Variants in PLD5 observed in about 807,000 individuals in gnomAD.
The protein encoded by PLD5 is inactive phospholipase D5.
Under a neutral mutation model 61.1 loss-of-function variants are expected in PLD5, and 36 were observed. The ratio of observed to expected loss-of-function variants is 0.59; its 90% CI spans 0.45 to 0.78. The LOEUF (loss-of-function observed/expected upper bound fraction) is 0.78, where lower values mean the gene tolerates loss of function less well. PLD5 is among the 30% of genes least tolerant of loss of function. The pLI is 0.00. For missense variants in PLD5, 515 were observed against 644.4 expected (o/e 0.80, Z 2.17); for synonymous variants, 243 against 242.8 (o/e 1.00, Z -0.01).
At chr1:242,408,767 T>A (rs1409149177) in intron 1 of PLD5, among the ~76,000 whole-genome samples, 1 of 152,126 alleles carries the variant, frequency 6.6e-6, no homozygotes, top group African/African-American at 2.4e-5. Flanking sequence ...CACCAGTGCT[T>A]TGAAAATTTT....
intron 2 of PLD5, among the ~76,000 whole-genome samples, chr1:242,342,902 C>T (rs1309968128): frequency 6.6e-6 from 1 of 151,914 alleles, no homozygotes; most frequent in East Asian, 1.9e-4. Context: ...ACTATCAGTA[C>T]AGTAATCTAG....
At chr1:242,438,947 T>C (rs1194316068) in intron 1 of PLD5, among the ~76,000 whole-genome samples, 2 of 134,358 alleles carry the variant, frequency 1.5e-5, no homozygotes, top group Non-Finnish European at 3.4e-5. Flanking sequence ...CCCAGCTTGT[T>C]ACTCTTATCA....
At chr1:242,376,838 A>G (rs962133979) in intron 1 of PLD5, 1 of 1,396,270 alleles carries the variant, frequency 7.2e-7, no homozygotes, top group East Asian at 2.5e-5. Context: ...TGTTAATTCT[A>G]TTATCCCACT....
intron 2 of PLD5, among the ~76,000 whole-genome samples, chr1:242,330,994 CCTT>C (rs1230242719): frequency 6.6e-6 from 1 of 152,162 alleles, no homozygotes; most frequent in Non-Finnish European, 1.5e-5. Context: ...CAAACCACTT[CCTT>C]CTTCTTTTTC....
intron 1 of PLD5, among the ~76,000 whole-genome samples, chr1:242,452,642 T>C (rs1666822921): frequency 6.6e-6 from 1 of 151,930 alleles, no homozygotes; most frequent in Non-Finnish European, 1.5e-5. Flanking sequence ...ACGGTGAAAC[T>C]CCATCTCTAC....
chr1:242,167,037 G>C (rs974043858), intron 5 of PLD5, among the ~76,000 whole-genome samples: 28 of 148,980 alleles, frequency 1.9e-4, no homozygotes, highest in African/African-American at 5.7e-4. Context: ...ATAGTCACTT[G>C]CTTTCTGGTA....
intron 6 of PLD5, among the ~76,000 whole-genome samples, chr1:242,119,140 G>A (rs901795176): frequency 4.6e-5 from 7 of 152,052 alleles, no homozygotes; most frequent in Non-Finnish European, 8.8e-5. Context: ...GTTAATCTGG[G>A]TTTGTCTCTT....
rs533594315 is a variant in PLD5, at chr1:242,393,931, G to A, written c.190-45689C>T. Among the ~76,000 whole-genome samples, 9 of 143,430 alleles carry A rather than the reference G, an allele frequency of 6.3e-5. No homozygotes were observed. In the South Asian group the frequency reaches 1.1e-3, roughly 18 times the overall value. The allele number at this position is 143,430 out of a possible 152,430, so 94.1% of individuals were successfully genotyped here. A position where few individuals can be genotyped will look rare whatever the true frequency, so the allele number is the denominator to read the frequency against. On this transcript the variant is annotated intron_variant, in intron 1 of 9. Transcript: ENST00000536534. Reference sequence around the variant, plus strand: ...AAAAATTAGCTGGGTGTGGGGGTGCGTGCCTGTAATCCCAGCTACTCAGGA... The same window carrying A: ...AAAAATTAGCTGGGTGTGGGGGTGCATGCCTGTAATCCCAGCTACTCAGGA...
rs140020256 is a variant in PLD5, at chr1:242,145,717, G to T, written c.736-21052C>A. On this transcript the variant is annotated intron_variant, in intron 5 of 9. Transcript: ENST00000536534. ...CTTTTCTGTCTCGCCCTGTTGCCCA[G>T]GTTGGAGTACAGTGGCATGATCTTG... Among the ~76,000 whole-genome samples the T allele has an allele frequency of 8.9e-3, 1,361 of 152,290 alleles. 21 individuals carry two copies. Among genetic ancestry groups the T allele is most frequent in the African/African-American group, 0.031 (1,274 of 41,558 alleles).
At chr1:242,122,638 C>T (rs115244630) in intron 6 of PLD5, among the ~76,000 whole-genome samples, 2,605 of 152,128 alleles carry the variant, frequency 0.017, 79 homozygotes, top group African/African-American at 0.059. Context: ...TATATTTATT[C>T]GTAAAATGCC....
upstream of PLD5, among the ~76,000 whole-genome samples, chr1:242,525,219 G>A (rs150297873): frequency 6.6e-6 from 1 of 152,126 alleles, no homozygotes; most frequent in African/African-American, 2.4e-5. Flanking sequence ...CCGATGGTGT[G>A]GCGATGCAAA....
rs113320540 is a variant in PLD5, at chr1:242,461,423, C to A, written c.189+62665G>T. Among the ~76,000 whole-genome samples, 962 of 152,276 alleles carry A rather than the reference C, an allele frequency of 6.3e-3. 5 individuals are homozygous for A. The highest frequency in any genetic ancestry group is 0.02 in the African/African-American group (818 of 41,526). ...TTCTCTAAGTCACAGGTCATATGTT[C>A]AGGAAGGGATTGCAATCATGTTAAT... On this transcript the variant is annotated intron_variant, in intron 1 of 9. Coordinates refer to ENST00000536534, the MANE Select transcript of PLD5 (RefSeq NM_001372062.1).
intron 5 of PLD5, among the ~76,000 whole-genome samples, chr1:242,204,230 G>A (rs957940583): frequency 3.3e-5 from 5 of 150,400 alleles, no homozygotes; most frequent in East Asian, 2.0e-4. Flanking sequence ...GCGACAGAGC[G>A]AGACTCTTGT....
intron 4 of PLD5, among the ~76,000 whole-genome samples, chr1:242,263,273 A>T (rs541757846): frequency 1.1e-4 from 17 of 151,678 alleles, no homozygotes; most frequent in Non-Finnish European, 1.9e-4. Flanking sequence ...GAAATTGCTC[A>T]TGGCTTATTT....
chr1:242,364,831 A>G (rs1380201875), intron 1 of PLD5, among the ~76,000 whole-genome samples: 1 of 152,164 alleles, frequency 6.6e-6, no homozygotes, highest in African/African-American at 2.4e-5. Flanking sequence ...TCAAGTAGAC[A>G]AGGGAATAGA....
intron 2 of PLD5, among the ~76,000 whole-genome samples, chr1:242,326,141 C>A (rs1658762589): frequency 3.4e-5 from 1 of 29,364 alleles, no homozygotes; most frequent in African/African-American, 8.5e-5. Flanking sequence ...TCCCAAAGTG[C>A]TGTGATACAG....
intron 1 of PLD5, among the ~76,000 whole-genome samples, chr1:242,356,885 CAATT>C (rs563877065): frequency 2.2e-3 from 337 of 152,112 alleles, no homozygotes; most frequent in African/African-American, 7.9e-3. Context: ...TATCTCCTGA[CAATT>C]TATTTTAGCT....
At chr1:242,297,980 T>C (rs1484824573) in intron 2 of PLD5, among the ~76,000 whole-genome samples, 2 of 152,218 alleles carry the variant, frequency 1.3e-5, no homozygotes, top group African/African-American at 2.4e-5. Flanking sequence ...AACCGATTAC[T>C]GTCATCATTC....
intron 3 of PLD5, among the ~76,000 whole-genome samples, chr1:242,274,976 A>G (rs1674331665): frequency 1.3e-5 from 2 of 152,216 alleles, no homozygotes; most frequent in South Asian, 2.1e-4. Flanking sequence ...TCCTACACCT[A>G]GAAATCTATC....
Sources: allele counts gnomAD v4.1 joint callset (sites outside exome capture counted in the v4.1 genomes callset), GRCh38; gene constraint gnomAD v4.1.1; transcripts MANE v1.5; gene names NCBI Gene and HGNC (gene_info 2026-07-23, HGNC 2026-07-21).